KLHL2: variants seen among roughly 807,000 people sequenced by gnomAD.
KLHL2 encodes kelch like family member 2, also known as kelch-like protein 2.
A neutral mutation model predicts 75.8 loss-of-function variants in KLHL2; 15 were observed. That is an observed-to-expected ratio of 0.20 (90% CI 0.13 to 0.30). KLHL2 has a LOEUF of 0.30. Ranked by LOEUF, KLHL2 falls within the 10% of genes least tolerant of loss-of-function variation. The probability of loss-of-function intolerance (pLI) is 1.00; values close to 1 mark genes in which losing one functional copy is unlikely to be tolerated. For missense variants in KLHL2, 381 were observed against 741.0 expected (o/e 0.51, Z 5.64); for synonymous variants, 214 against 251.9 (o/e 0.85, Z 1.42).
intron 4 of KLHL2, among the ~76,000 whole-genome samples, chr4:165,248,886 A>T (rs1193480564): frequency 1.3e-5 from 2 of 152,210 alleles, no homozygotes; most frequent in Admixed American, 1.3e-4. Context: ...GATGTAACTG[A>T]ATATATGTTA....
chr4:165,212,922 T>A (rs1216968812), intron 1 of KLHL2, among the ~76,000 whole-genome samples: 7 of 152,226 alleles, frequency 4.6e-5, no homozygotes, highest in Non-Finnish European at 1.0e-4. Flanking sequence ...GCTCTAGGTC[T>A]GTGCTTTGGT....
intron 5 of KLHL2, among the ~76,000 whole-genome samples, chr4:165,288,124 T>C (rs933683512): frequency 1.3e-5 from 2 of 152,182 alleles, no homozygotes; most frequent in Non-Finnish European, 2.9e-5. Flanking sequence ...CTAGGAATTT[T>C]ATAGTTTTGA....
At chr4:165,229,272 T>C (rs1738695507) in intron 3 of KLHL2, among the ~76,000 whole-genome samples, 1 of 152,232 alleles carries the variant, frequency 6.6e-6, no homozygotes, top group African/African-American at 2.4e-5. Flanking sequence ...CAGTGTTACA[T>C]TGAACAAAAA....
chr4:165,294,379 G>T lies in KLHL2; in HGVS notation c.565G>T (p.Val189Leu). Residue 189 changes from valine to leucine, a missense_variant, in exon 6 of 15, where the codon GTA becomes TTA. By Grantham distance (32) the Val-to-Leu change is conservative (BLOSUM62 1). Around this residue, in one of 5 missense-constraint regions of KLHL2, gnomAD observed 111 missense variants for 150.1 expected, o/e 0.74. Transcript: ENST00000226725. The stretch of plus-strand genomic sequence containing the variant: ...AACAGAGCAACATTTTGCAGATGTT[G>T]TACTTAGTGAAGAATTTCTCAATCT... ...TYAEQHFADVVLSEEFLNLGI... is the reference protein window; with the variant it reads ...TYAEQHFADVLLSEEFLNLGI... 6.2e-7 allele frequency: 1 copy of T among 1,607,722 alleles called. No individual in the cohort carries two copies. The highest frequency in any genetic ancestry group is 8.5e-7 in the Non-Finnish European group (1 of 1,174,584).
chr4:165,278,736 C>T, intron 5 of KLHL2: 1 of 1,591,866 alleles, frequency 6.3e-7, no homozygotes, highest in East Asian at 2.2e-5. Context: ...TTGTAAGCCA[C>T]TGTGGTGAGA....
chr4:165,229,944 G>C (rs547625747), intron 3 of KLHL2, among the ~76,000 whole-genome samples: 7 of 152,378 alleles, frequency 4.6e-5, no homozygotes, highest in African/African-American at 1.7e-4. Context: ...TCAGTTTTCA[G>C]CCTTTTATGA....
intron 1 of KLHL2, among the ~76,000 whole-genome samples, chr4:165,216,648 A>G (rs1454438402): frequency 6.6e-6 from 1 of 152,152 alleles, no homozygotes; most frequent in Non-Finnish European, 1.5e-5. Context: ...ATATGTATAT[A>G]TGTCTCACAT....
At chr4:165,264,705 TATATATATATATATAC>T (rs1274105246) in intron 5 of KLHL2, among the ~76,000 whole-genome samples, 1 of 86,106 alleles carries the variant, frequency 1.2e-5, no homozygotes, top group Non-Finnish European at 2.1e-5. Flanking sequence ...TGTGTGTGTG[TATATATATATATATAC>T]ATATATATAT....
chr4:165,260,377 A>T (rs1289151652), intron 4 of KLHL2, among the ~76,000 whole-genome samples: 2 of 152,226 alleles, frequency 1.3e-5, no homozygotes, highest in Non-Finnish European at 2.9e-5. Context: ...AATATAATCT[A>T]GCCACATGGA....
intron 8 of KLHL2, among the ~76,000 whole-genome samples, chr4:165,303,490 C>A (rs1745486971): frequency 7.7e-6 from 1 of 130,126 alleles, no homozygotes; most frequent in Non-Finnish European, 1.7e-5. Context: ...ATTTTTACAA[C>A]CTTGCCCCCC....
intron 2 of KLHL2, among the ~76,000 whole-genome samples, chr4:165,224,354 A>G (rs1421915839): frequency 1.3e-5 from 2 of 152,216 alleles, no homozygotes; most frequent in Non-Finnish European, 2.9e-5. Flanking sequence ...TGTAAGTTTG[A>G]TCCTTAATAT....
At chr4:165,243,436 G>A (rs1739983734) in intron 4 of KLHL2, among the ~76,000 whole-genome samples, 1 of 152,206 alleles carries the variant, frequency 6.6e-6, no homozygotes, top group Non-Finnish European at 1.5e-5. Flanking sequence ...TATTAGAACT[G>A]TTATCATCTA....
intron 5 of KLHL2, among the ~76,000 whole-genome samples, chr4:165,286,864 G>A (rs1314643379): frequency 6.6e-6 from 1 of 152,122 alleles, no homozygotes; most frequent in African/African-American, 2.4e-5. Context: ...TGCATTGACT[G>A]TCTATAGCAA....
intron 5 of KLHL2, 27 bp from the exon 6 acceptor site, chr4:165,294,332 T>G (rs771552846): frequency 4.0e-5 from 51 of 1,279,832 alleles, no homozygotes; most frequent in Non-Finnish European, 5.8e-5. Flanking sequence ...TTGATGTTAG[T>G]GGATTTTCTT....
intron 10 of KLHL2, among the ~76,000 whole-genome samples, chr4:165,311,074 G>T (rs1022788671): frequency 1.3e-5 from 2 of 151,982 alleles, no homozygotes; most frequent in Non-Finnish European, 2.9e-5. Flanking sequence ...AGCCAGGATG[G>T]TCTCAATCTC....
chr4:165,233,961 C>T (rs1739120009), intron 3 of KLHL2, among the ~76,000 whole-genome samples: 1 of 152,170 alleles, frequency 6.6e-6, no homozygotes, highest in South Asian at 2.1e-4. Flanking sequence ...GTCTCTCTAC[C>T]CTTCTATCCT....
At chr4:165,278,844 T>C in intron 5 of KLHL2, 2 of 1,534,122 alleles carry the variant, frequency 1.3e-6, no homozygotes, top group African/African-American at 1.4e-5. Context: ...TGGAAGCACA[T>C]TTGTCCCACC....
intron 2 of KLHL2, among the ~76,000 whole-genome samples, chr4:165,220,300 T>G (rs1379270974): frequency 6.6e-6 from 1 of 152,080 alleles, no homozygotes; most frequent in Admixed American, 6.6e-5. Flanking sequence ...GATGAGATAG[T>G]TTGGAGGTGA....
At position 165,319,379 on chromosome 4, in the gene KLHL2, G is replaced by A. The variant is rs1309518608; in HGVS notation, c.1753+1410G>A. On this transcript the variant is annotated intron_variant, in intron 14 of 14. Coordinates refer to ENST00000226725, the MANE Select transcript of KLHL2 (RefSeq NM_007246.4). This position sits in a 1 kb window ranked among gnomAD's most constrained non-coding sequence, Gnocchi z 4.5. ...TGGTGCTAGGAAGTGCTTCAACGAA[G>A]CAGAGAAGAGTCATGACATTACAAG... 6.6e-6 allele frequency among the ~76,000 whole-genome samples: 1 copy of A among 152,206 alleles called. No individual in the cohort carries two copies. The highest frequency in any genetic ancestry group is 1.5e-5 in the Non-Finnish European group (1 of 68,038).
Sources: allele counts gnomAD v4.1 joint callset (sites outside exome capture counted in the v4.1 genomes callset), GRCh38; gene constraint gnomAD v4.1.1; regional missense constraint gnomAD v4.1.1; non-coding constraint Gnocchi (gnomAD v3.1); transcripts MANE v1.5; gene names NCBI Gene and HGNC (gene_info 2026-07-23, HGNC 2026-07-21).